The following ACBD5 variants were observed in gnomAD, a reference collection of about 807,000 sequenced individuals.
ACBD5 encodes the protein acyl-CoA-binding domain-containing protein 5.
A neutral mutation model predicts 71.8 loss-of-function variants in ACBD5; 40 were observed. That is an observed-to-expected ratio of 0.56 (90% CI 0.43 to 0.72). ACBD5 has a LOEUF of 0.72. Among genes scored for constraint, ACBD5 ranks in the 30% least tolerant of loss-of-function variants. The pLI, the probability that ACBD5 is intolerant of heterozygous loss-of-function variation, is 0.00. For synonymous variants in ACBD5, 229 were observed against 218.6 expected (o/e 1.05, Z -0.42); for missense variants, 559 against 644.5 (o/e 0.87, Z 1.44).
intron 5 of ACBD5, 157 bp downstream of exon 5, chr10:27,223,181 C>G (rs764820348): frequency 2.7e-6 from 2 of 730,314 alleles, no homozygotes; most frequent in South Asian, 1.5e-5. Context: ...TTAAACAAAA[C>G]TTTTACATGA....
intron 13 of ACBD5, among the ~76,000 whole-genome samples, chr10:27,189,608 ACTG>A (rs1564520139): frequency 6.9e-5 from 4 of 57,670 alleles, no homozygotes; most frequent in African/African-American, 1.2e-4. Context: ...AACATCACAC[ACTG>A]GGGCCTGTTG....
downstream of ACBD5, among the ~76,000 whole-genome samples, chr10:27,190,919 T>C (rs2059050209): frequency 6.6e-6 from 1 of 152,152 alleles, no homozygotes; most frequent in South Asian, 2.1e-4. Context: ...GGGTGGATTG[T>C]GGTGCTGCAC....
intron 11 of ACBD5, 76 bp from the exon 12 acceptor site, chr10:27,204,625 A>G: frequency 9.5e-7 from 1 of 1,052,038 alleles, no homozygotes; most frequent in Non-Finnish European, 1.5e-6. Context: ...CCTAATTCAT[A>G]ATTTTGAAAG....
chr10:27,214,143 T>C (rs1032400024), intron 8 of ACBD5, among the ~76,000 whole-genome samples: 1 of 152,112 alleles, frequency 6.6e-6, no homozygotes, highest in African/African-American at 2.4e-5. Flanking sequence ...GAGATAGAGA[T>C]ACAATGAATA....
chr10:27,234,207 T>C (rs545083127), intron 3 of ACBD5, among the ~76,000 whole-genome samples: 58 of 152,348 alleles, frequency 3.8e-4, no homozygotes, highest in African/African-American at 1.3e-3. Context: ...TACAGGTACC[T>C]GTATCTATAA....
intron 5 of ACBD5, among the ~76,000 whole-genome samples, chr10:27,220,126 A>G (rs2062153411): frequency 6.6e-6 from 1 of 152,178 alleles, no homozygotes; most frequent in South Asian, 2.1e-4. Context: ...CAATCAAAAT[A>G]AAGTTAGAGA....
At chr10:27,219,584 C>A in intron 6 of ACBD5, 139 bp downstream of exon 6, 1 of 1,160,856 alleles carries the variant, frequency 8.6e-7, no homozygotes. Context: ...TTTTGGTCCA[C>A]AGCAAACTTG....
intron 4 of ACBD5, among the ~76,000 whole-genome samples, chr10:27,229,824 T>C (rs1322615032): frequency 6.6e-6 from 1 of 152,216 alleles, no homozygotes; most frequent in Non-Finnish European, 1.5e-5. Flanking sequence ...AACTTTGTCA[T>C]ATTCACAATA....
chr10:27,183,646 GA>G (rs2058458464), intron 13 of ACBD5, among the ~76,000 whole-genome samples: 1 of 152,126 alleles, frequency 6.6e-6, no homozygotes, highest in South Asian at 2.1e-4. Flanking sequence ...ATGTATTCAG[GA>G]AAATGAGCTT....
At chr10:27,217,900 A>T in intron 7 of ACBD5, 80 bp downstream of exon 7, 3 of 1,257,886 alleles carry the variant, frequency 2.4e-6, no homozygotes, top group Non-Finnish European at 3.4e-6. Context: ...TTTAAATTAA[A>T]CTGATCCTAA....
At chr10:27,210,629 G>A (rs1332282535) in intron 9 of ACBD5, among the ~76,000 whole-genome samples, 185 bp downstream of exon 9, 2 of 152,102 alleles carry the variant, frequency 1.3e-5, no homozygotes, top group African/African-American at 2.4e-5. Context: ...ATGGTGGTGG[G>A]TGCCTATAAT....
chr10:27,235,616 T>C lies in ACBD5; in HGVS notation c.182-404A>G, dbSNP rs141174653. ...CTGACTAGTGTAAGTGAAAAAGTTATATGTATACTCTGCCAAATTTCAAAT... is the reference window on the plus strand; with the variant it reads ...CTGACTAGTGTAAGTGAAAAAGTTACATGTATACTCTGCCAAATTTCAAAT... On this transcript the variant is annotated intron_variant, in intron 2 of 12. Coordinates refer to ENST00000396271, the MANE Select transcript of ACBD5 (RefSeq NM_145698.5). Among the ~76,000 whole-genome samples, 476 of 152,348 alleles carry C rather than the reference T, an allele frequency of 3.1e-3. 4 individuals are homozygous for C. The highest frequency in any genetic ancestry group is 0.011 in the African/African-American group (452 of 41,578).
At chr10:27,241,676 T>TG (rs5784000), upstream of ACBD5, among the ~76,000 whole-genome samples, 117,681 of 151,704 alleles carry the variant, frequency 0.78, 45,901 homozygotes, top group African/African-American at 0.86. Flanking sequence ...AAGACGAGCC[T>TG]GGCAACATGG....
intron 5 of ACBD5, among the ~76,000 whole-genome samples, chr10:27,222,818 C>T (rs920948031): frequency 3.3e-5 from 5 of 152,242 alleles, no homozygotes; most frequent in South Asian, 4.1e-4. Context: ...GTGATCTGCC[C>T]GCTTTCGCTT....
intron 4 of ACBD5, among the ~76,000 whole-genome samples, chr10:27,224,141 G>A (rs10829215): frequency 0.068 from 10,209 of 151,230 alleles, 656 homozygotes; most frequent in African/African-American, 0.17. Context: ...AGCAGGAGGA[G>A]GATGGCTTGA....
intron 7 of ACBD5, among the ~76,000 whole-genome samples, chr10:27,216,127 G>GCCT (rs901174355): frequency 6.7e-5 from 10 of 150,244 alleles, no homozygotes; most frequent in African/African-American, 2.4e-4. Context: ...ACCCACCTTG[G>GCCT]CCTCCCAAAA....
intron 13 of ACBD5, among the ~76,000 whole-genome samples, chr10:27,187,741 G>C (rs1361833457): frequency 8.0e-6 from 1 of 124,870 alleles, no homozygotes; most frequent in Non-Finnish European, 1.7e-5. Context: ...AACAGAATGA[G>C]ACTCAGTCTC....
intron 4 of ACBD5, among the ~76,000 whole-genome samples, chr10:27,226,579 C>T (rs916563043): frequency 1.3e-5 from 2 of 151,652 alleles, no homozygotes; most frequent in Non-Finnish European, 2.9e-5. Context: ...CTGCAGTCCT[C>T]GGGCAGCATG....
At chr10:27,225,939 T>A (rs774770367) in intron 4 of ACBD5, among the ~76,000 whole-genome samples, 1 of 152,110 alleles carries the variant, frequency 6.6e-6, no homozygotes, top group African/African-American at 2.4e-5. Flanking sequence ...TTAAGGCTAC[T>A]AAATTCGGCA....
Sources: gnomAD v4.1 joint callset for allele counts (sites outside exome capture counted in the v4.1 genomes callset) on GRCh38, gnomAD v4.1.1 for gene constraint, MANE v1.5 for transcripts, NCBI Gene and HGNC (gene_info 2026-07-23, HGNC 2026-07-21) for gene names.